ADGRF5: variants seen among roughly 807,000 people sequenced by gnomAD.
ADGRF5 encodes the protein G-protein coupled receptor 116.
ADGRF5 carries 75 observed loss-of-function variants against 132.3 expected under a neutral mutation model. The ratio of observed to expected loss-of-function variants is 0.57; its 90% CI spans 0.47 to 0.69. ADGRF5 has a LOEUF of 0.69. Among genes scored for constraint, ADGRF5 ranks in the 30% least tolerant of loss-of-function variants. The pLI is 0.00. For missense variants in ADGRF5, 1,516 were observed against 1,630.6 expected, an observed-to-expected ratio of 0.93 and a Z score of 1.21; for synonymous variants, 629 against 597.6, an observed-to-expected ratio of 1.05 and a Z score of -0.77.
rs1768935912 is a variant in ADGRF5 at position 46,855,477 on chromosome 6, G to A, written c.3961+497C>T. ...TTGGGTGATCCCTTACGTAATGCAT[G>A]CACAGTTCTATACGCTTCAATGTGT... is the stretch of plus-strand genomic sequence containing the variant. On this transcript the variant is annotated intron_variant, in intron 20 of 20. Transcript: ENST00000283296. 2.0e-5 allele frequency among the ~76,000 whole-genome samples: 3 copies of A among 152,162 alleles called. No homozygotes were observed. In the South Asian group the frequency reaches 6.2e-4, roughly 32 times the overall value.
chr6:46,885,701 C>A (rs190903784), intron 4 of ADGRF5, among the ~76,000 whole-genome samples: 11 of 152,272 alleles, frequency 7.2e-5, no homozygotes, highest in Admixed American at 5.2e-4. Flanking sequence ...CAAAAAGGAC[C>A]AATGCTTCCT....
chr6:46,868,664 C>T (rs1770722983), intron 12 of ADGRF5, among the ~76,000 whole-genome samples: 1 of 152,142 alleles, frequency 6.6e-6, no homozygotes. Context: ...CCATTCCTGG[C>T]TCTAGAACTT....
At chr6:46,873,734 C>T (rs1368965532) in intron 10 of ADGRF5, among the ~76,000 whole-genome samples, 1 of 152,184 alleles carries the variant, frequency 6.6e-6, no homozygotes, top group Non-Finnish European at 1.5e-5. Flanking sequence ...CCAAGTGTTG[C>T]TCTGACATCT....
upstream of ADGRF5, among the ~76,000 whole-genome samples, chr6:46,924,029 A>G (rs1376557383): frequency 2.0e-5 from 3 of 152,220 alleles, no homozygotes; most frequent in Non-Finnish European, 4.4e-5. Context: ...GCTGTAAGGT[A>G]CAGTCTCATT....
chr6:46,931,161 C>T lies in ADGRF5; in HGVS notation c.-25+23573G>A, dbSNP rs558737067. Reference sequence around the variant, plus strand: ...CAGTTTGAGAGGATGATAGGCCTGCCCCTTCTTCCACTGGGCTCTGGGTGC... The same window carrying T: ...CAGTTTGAGAGGATGATAGGCCTGCTCCTTCTTCCACTGGGCTCTGGGTGC... On this transcript the variant is annotated intron_variant, in intron 1 of 20. Transcript: ENST00000265417. Among the ~76,000 whole-genome samples, 3 of 152,324 alleles carry T rather than the reference C, an allele frequency of 2.0e-5. No individual in the cohort carries two copies. In the South Asian group the frequency reaches 6.2e-4, roughly 32 times the overall value.
chr6:46,880,269 GC>G (rs1368987487), intron 8 of ADGRF5, among the ~76,000 whole-genome samples: 4 of 151,994 alleles, frequency 2.6e-5, no homozygotes, highest in African/African-American at 9.7e-5. Context: ...TGGGGTGTTT[GC>G]CCTATGGCTC....
chr6:46,896,669 T>A (rs562655589), intron 3 of ADGRF5, among the ~76,000 whole-genome samples: 3 of 151,364 alleles, frequency 2.0e-5, no homozygotes, highest in Non-Finnish European at 4.4e-5. Flanking sequence ...TATGTGTGTG[T>A]GTGTGTAAAT....
At chr6:46,892,207 C>G (rs1655105681) in intron 3 of ADGRF5, among the ~76,000 whole-genome samples, 1 of 109,026 alleles carries the variant, frequency 9.2e-6, no homozygotes. Flanking sequence ...CACACACACA[C>G]ACAGAAAGAG....
chr6:46,921,289 G>A (rs750452149), intron 1 of ADGRF5, among the ~76,000 whole-genome samples: 30 of 152,210 alleles, frequency 2.0e-4, no homozygotes, highest in Non-Finnish European at 4.0e-4. Context: ...CTGGGATGCA[G>A]CCTCTTCCTT....
chr6:46,872,007 G>C lies in ADGRF5; in HGVS notation c.1247C>G (p.Pro416Arg). The part of the protein sequence containing the change: ...QEGKINIPGT[P>R]ETDIDSSCSR... ...GCAGCTAGAATCTATGTCTGTCTCAGGGGTTCCTATAATGAGAAGCAAATT... is the reference window on the plus strand; with the variant it reads ...GCAGCTAGAATCTATGTCTGTCTCACGGGTTCCTATAATGAGAAGCAAATT... The change falls in exon 11 of 21, where the codon CCT becomes CGT. Residue 416 changes from proline (P) to arginine (R), a missense_variant. Pro to Arg is a moderately radical substitution (Grantham distance 103). Around this residue, in one of 2 missense-constraint regions of ADGRF5, gnomAD observed 945 missense variants for 929.4 expected, o/e 1.02. Coordinates refer to ENST00000283296, the MANE Select transcript of ADGRF5 (RefSeq NM_001098518.2). The C allele has an allele frequency of 6.3e-7, 1 of 1,596,352 alleles. No homozygotes were observed.
chr6:46,881,384 A>T (rs183671334), intron 8 of ADGRF5, 71 bp downstream of exon 8: 2 of 1,331,106 alleles, frequency 1.5e-6, no homozygotes, highest in East Asian at 4.6e-5. Flanking sequence ...AGGACATTGT[A>T]GCATAAACTA....
chr6:46,949,913 C>T (rs2113845517), intron 1 of ADGRF5, among the ~76,000 whole-genome samples: 1 of 152,212 alleles, frequency 6.6e-6, no homozygotes, highest in African/African-American at 2.4e-5. Context: ...TTTGCTCTTT[C>T]CTGGAAGTCC....
At chr6:46,907,245 T>A (rs1322772772) in intron 1 of ADGRF5, among the ~76,000 whole-genome samples, 1 of 152,234 alleles carries the variant, frequency 6.6e-6, no homozygotes, top group Non-Finnish European at 1.5e-5. Context: ...TGAAAACTGC[T>A]GGACTTGGTT....
intron 10 of ADGRF5, among the ~76,000 whole-genome samples, chr6:46,875,510 T>G (rs1771555395): frequency 6.6e-6 from 1 of 151,922 alleles, no homozygotes; most frequent in African/African-American, 2.4e-5. Context: ...TGAGGCCAGG[T>G]GTAGTGGCTC....
Position 46,918,406 on chromosome 6 carries a change from A to G in ADGRF5, c.-25+3307T>C, listed in dbSNP as rs531665050. 1.1e-3 allele frequency among the ~76,000 whole-genome samples: 168 copies of G among 152,318 alleles called. 2 individuals are homozygous for G. The highest frequency in any genetic ancestry group is 2.9e-3 in the South Asian group (14 of 4,826). On this transcript the variant is annotated intron_variant, in intron 1 of 20. Coordinates refer to ENST00000283296, the MANE Select transcript of ADGRF5 (RefSeq NM_001098518.2). ...GGGGAAAAGGCTGTAGGGAAACGTT[A>G]TAATTAAAAAACATCCATGACTTAT...
At chr6:46,949,906 G>C (rs1025327672) in intron 1 of ADGRF5, among the ~76,000 whole-genome samples, 3 of 152,002 alleles carry the variant, frequency 2.0e-5, no homozygotes, top group Admixed American at 2.0e-4. Context: ...TTTCTTTTTT[G>C]CTCTTTCCTG....
At chr6:46,924,815 TA>T (rs1270520820), upstream of ADGRF5, among the ~76,000 whole-genome samples, 5 of 152,250 alleles carry the variant, frequency 3.3e-5, no homozygotes, top group Non-Finnish European at 7.3e-5. Context: ...CCTTGAGTCC[TA>T]CCTTGCACAC....
chr6:46,862,912 T>C lies in ADGRF5; in HGVS notation c.2175A>G (p.Ile725Met), dbSNP rs989300743. ...EKRNDCISAP[I>M]NSLLQMAKAL... is the part of the protein sequence containing the mutation. ...CCTTAGCCATCTGGAGCAGACTGTTTATTGGGGCAGAGATGCAGTCATTTC... is the reference window on the plus strand; with the variant it reads ...CCTTAGCCATCTGGAGCAGACTGTTCATTGGGGCAGAGATGCAGTCATTTC... Residue 725 changes from isoleucine (I) to methionine (M), a missense_variant, in exon 15 of 21, where the codon ATA becomes ATG. Around this residue, in one of 2 missense-constraint regions of ADGRF5, gnomAD observed 945 missense variants for 929.4 expected, o/e 1.02. Coordinates refer to ENST00000283296, the MANE Select transcript of ADGRF5 (RefSeq NM_001098518.2). The C allele has an allele frequency of 5.6e-6, 9 of 1,612,168 alleles. No individual in the cohort carries two copies. The highest frequency in any genetic ancestry group is 1.3e-5 in the African/African-American group (1 of 74,558).
intron 10 of ADGRF5, among the ~76,000 whole-genome samples, chr6:46,877,361 CTTTCTTTCTTTCTTTCT>C (rs200179509): frequency 0.1 from 5,279 of 50,278 alleles, 525 homozygotes; most frequent in Non-Finnish European, 0.16. Context: ...TTCTTTCTTT[CTTTCTTTCTTTCTTTCT>C]TTCTTTCTTC....
Sources: allele counts gnomAD v4.1 joint callset (sites outside exome capture counted in the v4.1 genomes callset), GRCh38; gene constraint gnomAD v4.1.1; regional missense constraint gnomAD v4.1.1; transcripts MANE v1.5; gene names NCBI Gene and HGNC (gene_info 2026-07-23, HGNC 2026-07-21).